PLEKHA8: variants seen among roughly 807,000 people sequenced by gnomAD.
The protein encoded by PLEKHA8 is pleckstrin homology domain containing A8, also known as pleckstrin homology domain-containing family A member 8.
In PLEKHA8, 36 loss-of-function variants were observed where a neutral mutation model predicts 68.2. The ratio of observed to expected loss-of-function variants is 0.53; its 90% CI spans 0.40 to 0.70. The LOEUF (loss-of-function observed/expected upper bound fraction) is 0.70. Among genes scored for constraint, PLEKHA8 ranks in the 30% least tolerant of loss-of-function variants. The pLI is 0.00. For synonymous variants in PLEKHA8, 211 were observed against 216.1 expected (o/e 0.98, Z 0.20); for missense variants, 505 against 615.4 (o/e 0.82, Z 1.90).
chr7:30,047,324 A>G (rs570927095), intron 3 of PLEKHA8, among the ~76,000 whole-genome samples: 1 of 152,286 alleles, frequency 6.6e-6, no homozygotes, highest in East Asian at 1.9e-4. Context: ...GGGTGCCATT[A>G]GCCTTGACAA....
At position 30,083,616 on chromosome 7, in the gene PLEKHA8, G is replaced by C; in HGVS notation, c.*4829G>C. On this transcript the variant is annotated 3_prime_UTR_variant, in exon 14 of 14. Transcript: ENST00000449726. ...CATGCATTGATCTTTCTTCTCTGCT[G>C]TTTTTATATAGCCTTTAATTAAAAG... 5.1e-6 allele frequency: 5 copies of C among 985,268 alleles called. No homozygotes were observed. The highest frequency in any genetic ancestry group is 6.0e-6 in the Non-Finnish European group (5 of 829,872). The allele number at this position is 985,268 out of a possible 1,614,324, so 61.0% of individuals were successfully genotyped here.
intron 9 of PLEKHA8, among the ~76,000 whole-genome samples, chr7:30,055,935 A>C (rs1792811074): frequency 6.8e-6 from 1 of 145,998 alleles, no homozygotes; most frequent in Non-Finnish European, 1.5e-5. Context: ...ACCCAACCAA[A>C]ACATATTTTC....
At chr7:30,030,720 G>T (rs924287473) in intron 1 of PLEKHA8, among the ~76,000 whole-genome samples, 2 of 152,112 alleles carry the variant, frequency 1.3e-5, no homozygotes, top group Non-Finnish European at 2.9e-5. Flanking sequence ...ATGATGGTTC[G>T]GCATATTCTC....
At chr7:30,106,739 A>G (rs1796071440) in intron 13 of PLEKHA8, among the ~76,000 whole-genome samples, 1 of 152,256 alleles carries the variant, frequency 6.6e-6, no homozygotes, top group Non-Finnish European at 1.5e-5. Context: ...TCCAAAATGC[A>G]AAACTTGAAT....
Position 30,061,921 on chromosome 7 carries a change from A to G in PLEKHA8, c.1123A>G (p.Asn375Asp), listed in dbSNP as rs1793470003. 1 of 1,614,152 alleles carries G rather than the reference A, an allele frequency of 6.2e-7. No homozygotes were observed. Among genetic ancestry groups the G allele is most frequent in the Non-Finnish European group, 8.5e-7 (1 of 1,180,016 alleles). The stretch of plus-strand genomic sequence containing the variant: ...GAAAGTAAATCAGAAGTATATAACC[A>G]ACAAAGAAGAGTTTACCACTCTCCA... ...IKKVNQKYIT[N>D]KEEFTTLQKI... is the part of the protein sequence containing the mutation. Residue 375 changes from asparagine to aspartate, a missense_variant, in exon 11 of 14, where the codon AAC (asparagine) becomes GAC (aspartate). By Grantham distance (23) the Asn-to-Asp change is conservative. Transcript: ENST00000449726.
Position 30,079,087 on chromosome 7 carries a change from T to TTG in PLEKHA8, c.*302_*303dup. 6 of 1,100,368 alleles carry TTG rather than the reference T, an allele frequency of 5.5e-6. No individual in the cohort carries two copies. The highest frequency in any genetic ancestry group is 6.6e-6 in the Non-Finnish European group (6 of 902,962). The allele number at this position is 1,100,368 out of a possible 1,614,324, so 68.2% of individuals were successfully genotyped here. On this transcript the variant is annotated 3_prime_UTR_variant, in exon 14 of 14. Transcript: ENST00000449726. ...CAAACAAATTTGCTGTTATTGTGTA[T>TTG]TGTATTGTTTTTATATTTTAGTCTA...
Position 30,081,152 on chromosome 7 carries a change from A to G in PLEKHA8, c.*2365A>G, listed in dbSNP as rs1475705462. ...ATTTGCTGGGAATGAGGGGCTTAAT[A>G]TTATCTGAGATCATTGAGAACCCAG... On this transcript the variant is annotated 3_prime_UTR_variant, in exon 14 of 14. Transcript: ENST00000449726. 5.1e-6 allele frequency: 5 copies of G among 985,244 alleles called. No homozygotes were observed. Among genetic ancestry groups the G allele is most frequent in the Admixed American group, 6.2e-5 (1 of 16,224 alleles). The allele number at this position is 985,244 out of a possible 1,614,324, so 61.0% of individuals were successfully genotyped here.
At chr7:30,047,800 G>A (rs200683398) in intron 3 of PLEKHA8, 32 bp from the exon 4 acceptor site, 1 of 1,592,354 alleles carries the variant, frequency 6.3e-7, no homozygotes, top group Non-Finnish European at 8.6e-7. Context: ...TGTTTGTTCT[G>A]GTTACTGCAT....
Position 30,050,331 on chromosome 7 carries a change from A to G in PLEKHA8, c.598-103A>G, listed in dbSNP as rs987007998. 3.5e-6 allele frequency: 5 copies of G among 1,413,598 alleles called. No homozygotes were observed. The African/African-American group carries it at 7.4e-5, about 21-fold the overall frequency. The allele number at this position is 1,413,598 out of a possible 1,614,324, so 87.6% of individuals were successfully genotyped here. ...TTGTTTAGTGGGGCTAGTGTATTTTATGGTCATATGGTCATATTTACCATT... is the reference window on the plus strand; with the variant it reads ...TTGTTTAGTGGGGCTAGTGTATTTTGTGGTCATATGGTCATATTTACCATT... On this transcript the variant is annotated intron_variant, in intron 5 of 13. Transcript: ENST00000449726.
At chr7:30,099,941 C>A (rs774775859) in intron 13 of PLEKHA8, among the ~76,000 whole-genome samples, 2 of 152,152 alleles carry the variant, frequency 1.3e-5, no homozygotes, top group Admixed American at 6.5e-5. Flanking sequence ...GACTGGAAGT[C>A]CAAAACTAAG....
At chr7:30,102,937 G>T (rs1352936052) in intron 13 of PLEKHA8, among the ~76,000 whole-genome samples, 1 of 152,256 alleles carries the variant, frequency 6.6e-6, no homozygotes, top group Non-Finnish European at 1.5e-5. Context: ...GGATGTGGCG[G>T]CTCATGCCTG....
At chr7:30,108,083 A>AAAAAAAAAAAAAAAAAAAAAAAAAAAC (rs780069387) in intron 13 of PLEKHA8, among the ~76,000 whole-genome samples, 3 of 144,568 alleles carry the variant, frequency 2.1e-5, no homozygotes, top group Non-Finnish European at 4.6e-5. Context: ...AAAAAAAAAA[A>AAAAAAAAAAAAAAAAAAAAAAAAAAAC]AAAAAAAAAC....
chr7:30,076,245 CTATTTT>C (rs1042151687), intron 13 of PLEKHA8, among the ~76,000 whole-genome samples: 37 of 152,022 alleles, frequency 2.4e-4, no homozygotes, highest in Admixed American at 2.4e-3. Context: ...GAAAAAAACA[CTATTTT>C]TAGTGTCTGT....
intron 9 of PLEKHA8, among the ~76,000 whole-genome samples, chr7:30,060,469 A>C (rs578009788): frequency 1.3e-5 from 2 of 152,074 alleles, no homozygotes; most frequent in South Asian, 4.1e-4. Context: ...AGAATCATTA[A>C]TGAGATATTT....
At position 30,074,062 on chromosome 7, in the gene PLEKHA8, C is replaced by T. The variant is rs770279580; in HGVS notation, c.1301-9C>T. Reference sequence around the variant, plus strand: ...AAGTGTTCCTCATGGAGTTTTTCTTCTTTTCAAGATAATGCATATGGTAAA... The same window carrying T: ...AAGTGTTCCTCATGGAGTTTTTCTTTTTTTCAAGATAATGCATATGGTAAA... On this transcript the variant is annotated splice_polypyrimidine_tract_variant and intron_variant, in intron 12 of 13. Coordinates refer to ENST00000449726, the MANE Select transcript of PLEKHA8 (RefSeq NM_001197026.2). 1 of 1,606,432 alleles carries T rather than the reference C, an allele frequency of 6.2e-7. No individual in the cohort carries two copies. The highest frequency in any genetic ancestry group is 2.2e-5 in the East Asian group (1 of 44,752).
At chr7:30,052,145 C>T (rs1792460592) in intron 6 of PLEKHA8, among the ~76,000 whole-genome samples, 1 of 152,104 alleles carries the variant, frequency 6.6e-6, no homozygotes. Context: ...TGACTATTTC[C>T]TGATGCTGCT....
At chr7:30,113,581 G>A (rs146617039) in intron 13 of PLEKHA8, among the ~76,000 whole-genome samples, 9 of 152,210 alleles carry the variant, frequency 5.9e-5, no homozygotes, top group African/African-American at 1.9e-4. Context: ...CTCAGTGCAT[G>A]CTTTTATTCT....
chr7:30,076,371 A>G (rs1794609741), intron 13 of PLEKHA8, among the ~76,000 whole-genome samples: 1 of 152,190 alleles, frequency 6.6e-6, no homozygotes. Context: ...ATAAAACAGC[A>G]TCTGTTTATA....
At chr7:30,060,484 A>G (rs1052539349) in intron 9 of PLEKHA8, among the ~76,000 whole-genome samples, 2 of 152,124 alleles carry the variant, frequency 1.3e-5, no homozygotes, top group Non-Finnish European at 2.9e-5. Flanking sequence ...ATATTTTGCA[A>G]TCTCTTTTTC....
Sources: gnomAD v4.1 joint callset for allele counts (sites outside exome capture counted in the v4.1 genomes callset) on GRCh38, gnomAD v4.1.1 for gene constraint, MANE v1.5 for transcripts, NCBI Gene and HGNC (gene_info 2026-07-23, HGNC 2026-07-21) for gene names.